OPCML: variants seen among roughly 807,000 people sequenced by gnomAD.
The protein encoded by OPCML is opioid binding protein/cell adhesion molecule like.
OPCML carries 13 observed loss-of-function variants against 37.8 expected under a neutral mutation model. The observed-to-expected ratio is 0.34, with a 90% CI of 0.22 to 0.55. OPCML has a LOEUF of 0.55. Among genes scored for constraint, OPCML ranks in the 20% least tolerant of loss-of-function variants. The probability of loss-of-function intolerance (pLI) is 0.91; values close to 1 mark genes in which losing one functional copy is unlikely to be tolerated. For missense variants in OPCML, 341 were observed against 435.6 expected, an observed-to-expected ratio of 0.78 and a Z score of 1.93; for synonymous variants, 176 against 168.8, an observed-to-expected ratio of 1.04 and a Z score of -0.33.
intron 4 of OPCML, among the ~76,000 whole-genome samples, chr11:132,450,099 C>A (rs745439476): frequency 5.9e-5 from 9 of 152,166 alleles, no homozygotes; most frequent in Non-Finnish European, 1.0e-4. Context: ...CTCCAAAGCA[C>A]CCTGCCCAGG....
intron 1 of OPCML, among the ~76,000 whole-genome samples, chr11:133,054,128 C>A (rs1456183157): frequency 6.6e-6 from 1 of 152,150 alleles, no homozygotes; most frequent in Non-Finnish European, 1.5e-5. Flanking sequence ...GAGTCTATAT[C>A]ATTTTCCCCA....
intron 3 of OPCML, among the ~76,000 whole-genome samples, chr11:132,628,742 G>A (rs186175439): frequency 2.4e-4 from 36 of 152,218 alleles, no homozygotes; most frequent in African/African-American, 7.2e-4. Flanking sequence ...GGGACCCAGT[G>A]GGAGGTAATT....
At chr11:132,824,014 G>T (rs1940148743) in intron 2 of OPCML, among the ~76,000 whole-genome samples, 1 of 152,066 alleles carries the variant, frequency 6.6e-6, no homozygotes, top group Admixed American at 6.5e-5. Flanking sequence ...AGTGCCGTAG[G>T]GTTCAATCCT....
At chr11:133,115,024 A>G (rs1259170851) in intron 1 of OPCML, among the ~76,000 whole-genome samples, 1 of 152,230 alleles carries the variant, frequency 6.6e-6, no homozygotes, top group Non-Finnish European at 1.5e-5. Flanking sequence ...ACACTGGATC[A>G]TGTAGGATTT....
In OPCML at chr11:132,709,193, T is replaced by C. The variant is rs1336209815; in HGVS notation, c.147-51874A>G. Reference sequence around the variant, plus strand: ...ACCTTTCACTTGCCTAATGGAAACATGTCAGCATACTGCGTGGTTTGTGAT... The same window carrying C: ...ACCTTTCACTTGCCTAATGGAAACACGTCAGCATACTGCGTGGTTTGTGAT... On this transcript the variant is annotated intron_variant, in intron 2 of 7. Coordinates refer to ENST00000524381, the MANE Select transcript of OPCML (RefSeq NM_001012393.5). Among the ~76,000 whole-genome samples, 4 of 152,298 alleles carry C rather than the reference T, an allele frequency of 2.6e-5. No individual in the cohort carries two copies. The South Asian group carries it at 6.2e-4, about 24-fold the overall frequency.
At chr11:132,436,280 G>A (rs892937324) in intron 6 of OPCML, 43 bp from the exon 7 acceptor site, 2 of 1,613,572 alleles carry the variant, frequency 1.2e-6, no homozygotes, top group Admixed American at 3.3e-5. Context: ...TCTACAAAGA[G>A]GCCCTCCTCC....
intron 1 of OPCML, among the ~76,000 whole-genome samples, chr11:133,062,910 G>A (rs753182658): frequency 9.2e-5 from 14 of 152,252 alleles, no homozygotes; most frequent in South Asian, 4.1e-4. Flanking sequence ...GCAGCCAGCC[G>A]GCAGCTGCAG....
intron 1 of OPCML, among the ~76,000 whole-genome samples, chr11:133,499,855 T>C (rs71477444): frequency 0.33 from 44,312 of 134,892 alleles, 8,664 homozygotes; most frequent in African/African-American, 0.56. Flanking sequence ...TATATATACA[T>C]ACACATATAT....
chr11:132,835,936 T>A (rs1398990711), intron 2 of OPCML, among the ~76,000 whole-genome samples: 1 of 152,194 alleles, frequency 6.6e-6, no homozygotes, highest in Non-Finnish European at 1.5e-5. Context: ...TACTTACAAA[T>A]ATCCATTTTT....
At chr11:132,959,916 T>C (rs987667812) in intron 1 of OPCML, among the ~76,000 whole-genome samples, 2 of 152,202 alleles carry the variant, frequency 1.3e-5, no homozygotes, top group Non-Finnish European at 2.9e-5. Context: ...TGTTCCAAAA[T>C]GGAACACCGT....
At chr11:133,502,306 C>G (rs907847811) in intron 1 of OPCML, among the ~76,000 whole-genome samples, 4 of 152,230 alleles carry the variant, frequency 2.6e-5, no homozygotes, top group African/African-American at 9.6e-5. Flanking sequence ...CTGCCCCCAC[C>G]CTGCAAAAGG....
intron 1 of OPCML, among the ~76,000 whole-genome samples, chr11:133,222,993 C>A (rs1032107548): frequency 6.6e-6 from 1 of 152,166 alleles, no homozygotes; most frequent in Admixed American, 6.5e-5. Flanking sequence ...AATCCCACAT[C>A]TCCCACCTCC....
At chr11:133,363,556 G>C (rs1018302228) in intron 1 of OPCML, among the ~76,000 whole-genome samples, 2 of 152,178 alleles carry the variant, frequency 1.3e-5, no homozygotes, top group Non-Finnish European at 2.9e-5. Context: ...ATTTCCATTA[G>C]AGCCATTTTC....
intron 1 of OPCML, among the ~76,000 whole-genome samples, chr11:133,383,867 C>A (rs760993560): frequency 6.6e-6 from 1 of 152,136 alleles, no homozygotes; most frequent in African/African-American, 2.4e-5. Flanking sequence ...GATGTCTACA[C>A]CTGCAGTGCA....
intron 2 of OPCML, among the ~76,000 whole-genome samples, chr11:132,816,606 C>A (rs1302252667): frequency 6.6e-6 from 1 of 152,082 alleles, no homozygotes; most frequent in Admixed American, 6.6e-5. Context: ...ATACGTGACA[C>A]CTGGGTGTTC....
chr11:132,684,393 A>G (rs1252970899), intron 2 of OPCML, among the ~76,000 whole-genome samples: 1 of 152,182 alleles, frequency 6.6e-6, no homozygotes, highest in Non-Finnish European at 1.5e-5. Context: ...TAGTTTTGCT[A>G]TAAAACTCAT....
At chr11:132,683,781 A>G (rs543781052) in intron 2 of OPCML, among the ~76,000 whole-genome samples, 1 of 152,174 alleles carries the variant, frequency 6.6e-6, no homozygotes, top group Admixed American at 6.5e-5. Flanking sequence ...CCTTGTGTAC[A>G]TACAAAGCAG....
At chr11:132,536,653 G>A (rs1482332164) in intron 3 of OPCML, among the ~76,000 whole-genome samples, 1 of 152,116 alleles carries the variant, frequency 6.6e-6, no homozygotes, top group Non-Finnish European at 1.5e-5. Context: ...ATACCGAAAA[G>A]ACTTTTAAGG....
intron 3 of OPCML, among the ~76,000 whole-genome samples, chr11:132,601,280 CT>C (rs1229007985): frequency 6.6e-6 from 1 of 152,114 alleles, no homozygotes; most frequent in Non-Finnish European, 1.5e-5. Context: ...CCTCCCAGAG[CT>C]CTTATTCTGC....
Sources: gnomAD v4.1 joint callset for allele counts (sites outside exome capture counted in the v4.1 genomes callset) on GRCh38, gnomAD v4.1.1 for gene constraint, MANE v1.5 for transcripts, NCBI Gene and HGNC (gene_info 2026-07-23, HGNC 2026-07-21) for gene names.